TGM7: variants seen among roughly 807,000 people sequenced by gnomAD.
TGM7 encodes transglutaminase 7, also known as protein-glutamine gamma-glutamyltransferase Z.
TGM7 carries 74 observed loss-of-function variants against 79.5 expected under a neutral mutation model. The observed-to-expected ratio is 0.93, with a 90% CI of 0.77 to 1.13. The LOEUF (loss-of-function observed/expected upper bound fraction) is 1.13. Ranked by LOEUF, TGM7 falls within the 50% of genes most tolerant of loss-of-function variation. The pLI is 0.00. For missense variants in TGM7, 912 were observed against 905.9 expected (o/e 1.01, Z -0.09); for synonymous variants, 354 against 362.5 (o/e 0.98, Z 0.27).
In TGM7 at chr15:43,293,440, C is replaced by G; in HGVS notation, c.193+9G>C. 1 of 1,591,736 alleles carries G rather than the reference C, an allele frequency of 6.3e-7. No homozygotes were observed. Among genetic ancestry groups the G allele is most frequent in the South Asian group, 1.1e-5 (1 of 89,272 alleles). ...GAACCTGCGGGGCCTTGGGACAGGG[C>G]AAACTCACCGGTCTCAGCCACAAAG... On this transcript the variant is annotated intron_variant, in intron 2 of 12. Coordinates refer to ENST00000452443, the MANE Select transcript of TGM7 (RefSeq NM_052955.3).
chr15:43,299,860 T>G (rs1466979151), intron 1 of TGM7, among the ~76,000 whole-genome samples: 3 of 152,250 alleles, frequency 2.0e-5, no homozygotes, highest in African/African-American at 7.2e-5. Flanking sequence ...TATAGGAGAT[T>G]ACTGCCGTGT....
At chr15:43,281,742 A>C in intron 9 of TGM7, 102 bp downstream of exon 9, 99 of 1,525,112 alleles carry the variant, frequency 6.5e-5, no homozygotes, top group Non-Finnish European at 8.1e-5. Context: ...GCCATGAGGA[A>C]GAGGTGATTC....
Position 43,287,558 on chromosome 15 carries a change from T to C in TGM7, c.670A>G (p.Arg224Gly). ...ATCCTTACCATGGCACTCACCACCCTGCACACATACACCACGTCGTTCCGC... is the reference window on the plus strand; with the variant it reads ...ATCCTTACCATGGCACTCACCACCCCGCACACATACACCACGTCGTTCCGC... ...SQRNDVVYVCRVVSAMINSND... is the reference protein window; with the variant it reads ...SQRNDVVYVCGVVSAMINSND... Residue 224 changes from arginine (R) to glycine (G), a missense_variant, in exon 5 of 13, where the codon AGG becomes GGG. Transcript: ENST00000452443. The C allele has an allele frequency of 6.2e-7, 1 of 1,614,062 alleles. No individual in the cohort carries two copies. Among genetic ancestry groups the C allele is most frequent in the South Asian group, 1.1e-5 (1 of 91,052 alleles).
intron 8 of TGM7, 63 bp downstream of exon 8, chr15:43,282,454 C>T (rs548326172): frequency 4.8e-5 from 69 of 1,424,658 alleles, no homozygotes; most frequent in South Asian, 3.1e-4. Context: ...CCTGCTCCCA[C>T]GGCCAGTCAC....
At position 43,276,397 on chromosome 15, in the gene TGM7, G is replaced by A. The variant is rs998740805; in HGVS notation, c.*58C>T. The A allele has an allele frequency of 3.1e-5, 48 of 1,565,078 alleles. No homozygotes were observed. Among genetic ancestry groups the A allele is most frequent in the Non-Finnish European group, 3.5e-5 (41 of 1,156,036 alleles). On this transcript the variant is annotated 3_prime_UTR_variant, in exon 13 of 13. Transcript: ENST00000452443. ...GGTGGAGCCAAGACGACATAGCCAG[G>A]AGTAGAAAGGAGCCAGGTGGGGCAG...
chr15:43,300,020 C>G (rs1460823157), intron 1 of TGM7, among the ~76,000 whole-genome samples: 1 of 152,182 alleles, frequency 6.6e-6, no homozygotes, highest in Non-Finnish European at 1.5e-5. Context: ...AAATAAACTG[C>G]TTCACTTGTA....
intron 7 of TGM7, among the ~76,000 whole-genome samples, chr15:43,283,853 T>C (rs546344551): frequency 5.9e-5 from 9 of 152,270 alleles, no homozygotes; most frequent in Non-Finnish European, 1.2e-4. Flanking sequence ...GACAAGGAAA[T>C]TGAAGCTCAG....
At position 43,295,943 on chromosome 15, in the gene TGM7, A is replaced by G. The variant is rs1310774039; in HGVS notation, c.11-2312T>C. 2.6e-5 allele frequency among the ~76,000 whole-genome samples: 4 copies of G among 152,258 alleles called. No individual in the cohort carries two copies. In the East Asian group the frequency reaches 7.7e-4, roughly 29 times the overall value. ...AAAGATCTAAGACAGATCCCTTTTAATCATTCAACAGCAGTTTTTAAACTT... is the reference window on the plus strand; with the variant it reads ...AAAGATCTAAGACAGATCCCTTTTAGTCATTCAACAGCAGTTTTTAAACTT... On this transcript the variant is annotated intron_variant, in intron 1 of 12. Transcript: ENST00000452443.
chr15:43,293,338 C>G, intron 2 of TGM7, 111 bp downstream of exon 2: 1 of 1,373,884 alleles, frequency 7.3e-7, no homozygotes, highest in Non-Finnish European at 9.8e-7. Flanking sequence ...GCTCCCAGGA[C>G]AAGAAAGTGG....
intron 11 of TGM7, among the ~76,000 whole-genome samples, chr15:43,278,107 G>A (rs2042887303): frequency 6.6e-6 from 1 of 152,242 alleles, no homozygotes; most frequent in Non-Finnish European, 1.5e-5. Flanking sequence ...GTGCCTGGGT[G>A]AAAACCCTGG....
rs1033035400 is a variant in TGM7, at chr15:43,292,596, G to A, written c.439+113C>T. 9.1e-6 allele frequency: 12 copies of A among 1,312,670 alleles called. No individual in the cohort carries two copies. The East Asian group carries it at 1.2e-4, about 13-fold the overall frequency. 81.3% of individuals were successfully genotyped at this position (1,312,670 alleles called of 1,614,324 possible). ...AAAGATGATTTTTGTGAGAGCACAC[G>A]CTACTACATTGCATAGCTATGTGGC... On this transcript the variant is annotated intron_variant, in intron 3 of 12. Transcript: ENST00000452443.
intron 11 of TGM7, among the ~76,000 whole-genome samples, chr15:43,277,358 T>C (rs960327208): frequency 2.6e-5 from 4 of 152,176 alleles, no homozygotes; most frequent in Non-Finnish European, 5.9e-5. Flanking sequence ...AGGATCACAA[T>C]TGATTCATAT....
chr15:43,294,176 G>A (rs898801320), intron 1 of TGM7, among the ~76,000 whole-genome samples: 2 of 152,324 alleles, frequency 1.3e-5, no homozygotes, highest in East Asian at 1.9e-4. Flanking sequence ...GAGCTGACTG[G>A]AAGCTGGGAC....
chr15:43,287,090 A>G (rs1307969494), intron 6 of TGM7, among the ~76,000 whole-genome samples, 190 bp downstream of exon 6: 1 of 152,206 alleles, frequency 6.6e-6, no homozygotes, highest in Non-Finnish European at 1.5e-5. Flanking sequence ...GATGATTGCC[A>G]CAGGTCAATC....
intron 1 of TGM7, among the ~76,000 whole-genome samples, chr15:43,301,765 G>T (rs1409679546): frequency 6.6e-6 from 1 of 152,166 alleles, no homozygotes; most frequent in Admixed American, 6.5e-5. Context: ...GAGTGGCAGG[G>T]TTCTGAAGGG....
chr15:43,286,842 G>A (rs949041234), intron 6 of TGM7, among the ~76,000 whole-genome samples: 9 of 152,210 alleles, frequency 5.9e-5, no homozygotes, highest in African/African-American at 2.2e-4. Context: ...AGTCTATAAT[G>A]ATAACTGCTC....
In TGM7 at chr15:43,299,594, A is replaced by G. The variant is rs369614072; in HGVS notation, c.10+2647T>C. Among the ~76,000 whole-genome samples the G allele has an allele frequency of 2.8e-4, 43 of 152,346 alleles. 2 individuals carry two copies. The South Asian group carries it at 6.6e-3, about 23-fold the overall frequency. ...GGTTGGCACGCTCTAGGTGGAGACA[A>G]CAAAGGGCAAATTCTATCCAGTGCA... On this transcript the variant is annotated intron_variant, in intron 1 of 12. Transcript: ENST00000452443.
rs768558076 is a variant in TGM7, at chr15:43,281,878, G to A, written c.1317C>T (p.Arg439=). The A allele has an allele frequency of 1.2e-6, 2 of 1,614,198 alleles. No individual in the cohort carries two copies. Among genetic ancestry groups the A allele is most frequent in the East Asian group, 4.5e-5 (2 of 44,888 alleles). Residue 439 remains arginine (R), a synonymous_variant, in exon 9 of 13, where the codon CGC becomes CGT. Coordinates refer to ENST00000452443, the MANE Select transcript of TGM7 (RefSeq NM_052955.3). ...ACTTGTAGGAGCTGGTGATGCTCTGGCGCTGGTCTGACCCCACCATCTTAG... is the reference window on the plus strand; with the variant it reads ...ACTTGTAGGAGCTGGTGATGCTCTGACGCTGGTCTGACCCCACCATCTTAG... ...ISTKMVGSDQ[R]QSITSSYKYP... is the part of the protein sequence containing the mutation.
intron 3 of TGM7, 50 bp downstream of exon 3, chr15:43,292,659 G>A (rs1283064159): frequency 1.2e-6 from 2 of 1,602,308 alleles, no homozygotes; most frequent in Admixed American, 1.7e-5. Flanking sequence ...AACCTCACAG[G>A]GCCTTCCCAA....
Sources: gnomAD v4.1 joint callset for allele counts (sites outside exome capture counted in the v4.1 genomes callset) on GRCh38, gnomAD v4.1.1 for gene constraint, MANE v1.5 for transcripts, NCBI Gene and HGNC (gene_info 2026-07-23, HGNC 2026-07-21) for gene names.